TSPAN8: variants seen among roughly 807,000 people sequenced by gnomAD.
TSPAN8 encodes tetraspanin 8.
Under a neutral mutation model 32.8 loss-of-function variants are expected in TSPAN8, and 21 were observed. The ratio of observed to expected loss-of-function variants is 0.64; its 90% CI spans 0.45 to 0.92. The LOEUF is 0.92. Ranked by LOEUF, TSPAN8 falls within the 40% of genes least tolerant of loss-of-function variation. The pLI, the probability that TSPAN8 is intolerant of heterozygous loss-of-function variation, is 0.00. For synonymous variants in TSPAN8, 95 were observed against 94.6 expected (o/e 1.00, Z -0.03); for missense variants, 269 against 281.9 (o/e 0.95, Z 0.33).
intron 6 of TSPAN8, among the ~76,000 whole-genome samples, chr12:71,134,912 C>T (rs1871631837): frequency 6.6e-6 from 1 of 152,092 alleles, no homozygotes; most frequent in African/African-American, 2.4e-5. Context: ...GACTTGTTGA[C>T]AGTGGTGTAA....
chr12:71,141,944 T>C (rs1260386611), intron 3 of TSPAN8, among the ~76,000 whole-genome samples: 1 of 152,180 alleles, frequency 6.6e-6, no homozygotes, highest in East Asian at 1.9e-4. Flanking sequence ...TCATGTGCTT[T>C]TCCTCATGGT....
chr12:71,153,739 T>C (rs1798086), intron 2 of TSPAN8, among the ~76,000 whole-genome samples: 93,785 of 152,028 alleles, frequency 0.62, 30,394 homozygotes, highest in African/African-American at 0.81. Context: ...TAGGAACCTT[T>C]CCTAACCTCA....
rs1343007079 is a variant in TSPAN8, at chr12:71,148,397, G to T, written c.61-4184C>A. Among the ~76,000 whole-genome samples the T allele has an allele frequency of 2.0e-5, 3 of 152,064 alleles. No individual in the cohort carries two copies. The East Asian group carries it at 5.8e-4, about 29-fold the overall frequency. On this transcript the variant is annotated intron_variant, in intron 2 of 8. Transcript: ENST00000247829. The stretch of plus-strand genomic sequence containing the variant: ...CCTTATTTTCGTTCATGCATTATTT[G>T]CTTGTTTTCTTTTTTGTCAGTTGTA...
intron 2 of TSPAN8, 148 bp downstream of exon 2, chr12:71,157,471 A>G: frequency 3.5e-6 from 2 of 570,864 alleles, no homozygotes; most frequent in Middle Eastern, 4.9e-4. Context: ...ATAACCAAAG[A>G]AAGAACAAAC....
intron 2 of TSPAN8, among the ~76,000 whole-genome samples, chr12:71,152,907 G>GA: frequency 6.6e-6 from 1 of 152,210 alleles, no homozygotes; most frequent in East Asian, 1.9e-4. Context: ...GATGAATATC[G>GA]AAATGCTGGA....
intron 6 of TSPAN8, among the ~76,000 whole-genome samples, chr12:71,135,943 A>C (rs1208037669): frequency 6.6e-6 from 1 of 152,202 alleles, no homozygotes; most frequent in Non-Finnish European, 1.5e-5. Context: ...CAAAGGATGC[A>C]GCTACAGGGG....
intron 2 of TSPAN8, among the ~76,000 whole-genome samples, chr12:71,153,483 A>G (rs190563920): frequency 1.3e-5 from 2 of 152,372 alleles, no homozygotes; most frequent in Admixed American, 1.3e-4. Flanking sequence ...AAATGACCAC[A>G]TGCATATCTA....
chr12:71,144,065 T>C, intron 3 of TSPAN8, 86 bp downstream of exon 3: 1 of 1,199,208 alleles, frequency 8.3e-7, no homozygotes, highest in Non-Finnish European at 1.2e-6. Context: ...TTTAGACATG[T>C]TTATTACTAT....
chr12:71,152,141 C>T (rs1242390251), intron 2 of TSPAN8, among the ~76,000 whole-genome samples: 2 of 152,072 alleles, frequency 1.3e-5, no homozygotes, highest in East Asian at 1.9e-4. Flanking sequence ...TTAATCCTGC[C>T]AGGTAAAGTG....
At chr12:71,135,414 G>A (rs1871663507) in intron 6 of TSPAN8, among the ~76,000 whole-genome samples, 1 of 149,056 alleles carries the variant, frequency 6.7e-6, no homozygotes, top group African/African-American at 2.5e-5. Context: ...AGGGAGAGCA[G>A]GAGGAAAACA....
At chr12:71,131,490 T>A (rs3896814) in intron 7 of TSPAN8, among the ~76,000 whole-genome samples, 58,751 of 151,138 alleles carry the variant, frequency 0.39, 12,489 homozygotes, top group East Asian at 0.57. Flanking sequence ...TTATAAATTA[T>A]TTTCAGTAGC....
chr12:71,129,469 T>G, intron 7 of TSPAN8, 55 bp from the exon 8 acceptor site: 1 of 1,455,264 alleles, frequency 6.9e-7, no homozygotes, highest in South Asian at 1.3e-5. Context: ...CGACCTTATA[T>G]TAATCAAAAT....
At position 71,125,297 on chromosome 12, in the gene TSPAN8, G is replaced by C. The variant is rs780682603; in HGVS notation, c.*37C>G. 4.4e-5 allele frequency: 70 copies of C among 1,574,216 alleles called. No individual in the cohort carries two copies. Among genetic ancestry groups the C allele is most frequent in the Non-Finnish European group, 6.0e-5 (69 of 1,154,896 alleles). ...TACAAAGCCAAAGCAACATTTTAAA[G>C]GGGTTTGACTGACGATAGGTTGATG... On this transcript the variant is annotated 3_prime_UTR_variant, in exon 9 of 9. Coordinates refer to ENST00000247829, the MANE Select transcript of TSPAN8 (RefSeq NM_004616.3).
chr12:71,149,416 T>C (rs1872176558), intron 2 of TSPAN8, among the ~76,000 whole-genome samples: 1 of 151,634 alleles, frequency 6.6e-6, no homozygotes, highest in African/African-American at 2.4e-5. Context: ...TTTACAAGCA[T>C]GGCCTGATGT....
chr12:71,129,214 T>G, intron 8 of TSPAN8, 117 bp downstream of exon 8: 1 of 1,163,510 alleles, frequency 8.6e-7, no homozygotes. Flanking sequence ...AGCATCTGCG[T>G]TTTTTATGGT....
rs187854351 is a variant in TSPAN8, at chr12:71,144,089, T to G, written c.123+62A>C. ...GTTTATTACTATTATTGTTATAACT[T>G]TCATTATTATAAATGAAATAAACTA... On this transcript the variant is annotated intron_variant, in intron 3 of 8. Transcript: ENST00000247829. The G allele has an allele frequency of 2.8e-3, 4,027 of 1,439,636 alleles. 13 individuals carry two copies. Among genetic ancestry groups the G allele is most frequent in the Non-Finnish European group, 3.5e-3 (3,680 of 1,049,072 alleles). The allele number at this position is 1,439,636 out of a possible 1,614,324, so 89.2% of individuals were successfully genotyped here. A position where few individuals can be genotyped will look rare whatever the true frequency, so the allele number is the denominator to read the frequency against.
chr12:71,156,780 T>A (rs1384968447), intron 2 of TSPAN8: 1 of 152,240 alleles, frequency 6.6e-6, no homozygotes, highest in Non-Finnish European at 1.5e-5. Flanking sequence ...AAAATACTTT[T>A]TTCATTTAAA....
chr12:71,125,620 CTCTA>C (rs1322214511), intron 8 of TSPAN8, among the ~76,000 whole-genome samples: 1 of 152,068 alleles, frequency 6.6e-6, no homozygotes, highest in African/African-American at 2.4e-5. Context: ...GCCAATCAGC[CTCTA>C]TCTAACTGGC....
intron 3 of TSPAN8, among the ~76,000 whole-genome samples, 176 bp from the exon 4 acceptor site, chr12:71,140,024 G>T (rs1009798301): frequency 1.4e-5 from 1 of 73,576 alleles, no homozygotes; most frequent in South Asian, 3.3e-4. Context: ...ACATTCTATT[G>T]AAGTGCTTAT....
Sources: allele counts gnomAD v4.1 joint callset (sites outside exome capture counted in the v4.1 genomes callset), GRCh38; gene constraint gnomAD v4.1.1; transcripts MANE v1.5; gene names NCBI Gene and HGNC (gene_info 2026-07-23, HGNC 2026-07-21).